The following TMCC1 variants were observed in gnomAD, a reference collection of about 807,000 sequenced individuals.
TMCC1 encodes transmembrane and coiled-coil domain family 1.
Under a neutral mutation model 52.4 loss-of-function variants are expected in TMCC1, and 15 were observed. That is an observed-to-expected ratio of 0.29 (90% CI 0.19 to 0.44). TMCC1 has a LOEUF of 0.44. Among genes scored for constraint, TMCC1 ranks in the 20% least tolerant of loss-of-function variants. The pLI, the probability that TMCC1 is intolerant of heterozygous loss-of-function variation, is 1.00. For missense variants in TMCC1, 503 were observed against 806.0 expected, an observed-to-expected ratio of 0.62 and a Z score of 4.55; for synonymous variants, 279 against 301.9, an observed-to-expected ratio of 0.92 and a Z score of 0.79.
intron 5 of TMCC1, among the ~76,000 whole-genome samples, chr3:129,664,584 A>G (rs1165148425): frequency 1.3e-5 from 2 of 152,194 alleles, no homozygotes; most frequent in Non-Finnish European, 2.9e-5. Context: ...ACAAGCTTTC[A>G]AAATGGCATT....
intron 2 of TMCC1, among the ~76,000 whole-genome samples, chr3:129,865,890 T>C (rs2060601241): frequency 6.6e-6 from 1 of 152,136 alleles, no homozygotes; most frequent in South Asian, 2.1e-4. Context: ...GAAGACACAC[T>C]AGGTTTCAGG....
chr3:129,891,976 G>C (rs143923532), intron 1 of TMCC1, among the ~76,000 whole-genome samples: 150 of 152,280 alleles, frequency 9.9e-4, no homozygotes, highest in African/African-American at 3.5e-3. Flanking sequence ...GTAGACTACA[G>C]GTCTTTTGTG....
At chr3:129,716,166 GT>G (rs869080560) in intron 4 of TMCC1, among the ~76,000 whole-genome samples, 6 of 1,312 alleles carry the variant, frequency 4.6e-3, no homozygotes, top group African/African-American at 0.015. Flanking sequence ...TTTTTTCTTT[GT>G]TTTTTTTTTT....
At chr3:129,882,339 G>A (rs1372450329) in intron 1 of TMCC1, among the ~76,000 whole-genome samples, 1 of 150,638 alleles carries the variant, frequency 6.6e-6, no homozygotes, top group Non-Finnish European at 1.5e-5. Flanking sequence ...GGATAGCTAT[G>A]ATTAAAAAAA....
At chr3:129,693,333 A>C (rs1031339538) in intron 4 of TMCC1, among the ~76,000 whole-genome samples, 14 of 152,096 alleles carry the variant, frequency 9.2e-5, no homozygotes, top group African/African-American at 3.1e-4. Flanking sequence ...GGAAAGAACA[A>C]AGGTTCTTTA....
At chr3:129,831,734 A>G (rs2811343) in intron 3 of TMCC1, among the ~76,000 whole-genome samples, 95,993 of 152,120 alleles carry the variant, frequency 0.63, 35,395 homozygotes, top group Non-Finnish European at 0.83. Context: ...TAAGAATGCA[A>G]GCACAAAAGA....
intron 2 of TMCC1, among the ~76,000 whole-genome samples, chr3:129,840,026 G>GA (rs34763615): frequency 0.97 from 142,409 of 147,408 alleles, 68,918 homozygotes; most frequent in South Asian, 1. Flanking sequence ...GACTGGGGGA[G>GA]AAAAAAAAAA....
At chr3:129,888,854 T>A (rs1266746341) in intron 1 of TMCC1, among the ~76,000 whole-genome samples, 1 of 152,188 alleles carries the variant, frequency 6.6e-6, no homozygotes, top group Non-Finnish European at 1.5e-5. Context: ...ACTGGTAGTA[T>A]ACATCCCTAA....
At chr3:129,708,543 C>T (rs1420196095) in intron 4 of TMCC1, among the ~76,000 whole-genome samples, 1 of 152,184 alleles carries the variant, frequency 6.6e-6, no homozygotes, top group Non-Finnish European at 1.5e-5. Context: ...AATGTGATGA[C>T]CTCTGCTTTT....
At chr3:129,693,433 T>A (rs1348238676) in intron 4 of TMCC1, among the ~76,000 whole-genome samples, 1 of 152,084 alleles carries the variant, frequency 6.6e-6, no homozygotes, top group Non-Finnish European at 1.5e-5. Flanking sequence ...TTCTTATCCA[T>A]GATACTATCT....
chr3:129,660,857 C>A (rs2086977524), intron 5 of TMCC1, among the ~76,000 whole-genome samples: 2 of 152,134 alleles, frequency 1.3e-5, no homozygotes, highest in Non-Finnish European at 2.9e-5. Flanking sequence ...TGGTGCACTG[C>A]AGCCTCAAAC....
intron 4 of TMCC1, chr3:129,688,529 C>T (rs766413119): frequency 2.1e-5 from 21 of 985,540 alleles, no homozygotes; most frequent in Non-Finnish European, 2.5e-5. Flanking sequence ...AGCCGCACCA[C>T]ATTAATACCC....
chr3:129,850,616 G>A (rs1955868153), intron 2 of TMCC1, among the ~76,000 whole-genome samples: 2 of 152,144 alleles, frequency 1.3e-5, no homozygotes, highest in Admixed American at 6.5e-5. Context: ...AGACCAGCTC[G>A]GTGGGGGAGA....
chr3:129,827,858 G>A lies in TMCC1; in HGVS notation c.521C>T (p.Ala174Val), dbSNP rs372011111. Residue 174 changes from alanine (A) to valine (V), a missense_variant, in exon 4 of 7, where the codon GCT (alanine) becomes GTT (valine). Transcript: ENST00000393238. ...TSSAMMEIAC[A>V]AAAAAAACLP... ...ACATGCAGCAGCAGCAGCAGCAGCA[G>A]CACAAGCTATTTCCATCATAGCAGA... 8.2e-4 allele frequency: 1,327 copies of A among 1,614,030 alleles called. 26 individuals are homozygous for A. In the South Asian group the frequency reaches 0.014, roughly 17 times the overall value.
intron 2 of TMCC1, among the ~76,000 whole-genome samples, chr3:129,866,351 CATAATAT>C (rs1188228520): frequency 1.7e-3 from 239 of 137,130 alleles, no homozygotes; most frequent in South Asian, 3.5e-3. Flanking sequence ...ATTATATATA[CATAATAT>C]ATATTTTATA....
At chr3:129,698,261 G>C (rs890662003) in intron 4 of TMCC1, among the ~76,000 whole-genome samples, 1 of 152,182 alleles carries the variant, frequency 6.6e-6, no homozygotes. Flanking sequence ...CGTCTTACTT[G>C]GCGGCAGGCA....
rs1384974496 is a variant in TMCC1 at position 129,648,287 on chromosome 3, C to T, written c.*3194G>A. 1 of 152,140 alleles carries T rather than the reference C, an allele frequency of 6.6e-6. No homozygotes were observed. The highest frequency in any genetic ancestry group is 1.5e-5 in the Non-Finnish European group (1 of 68,032). 9.4% of individuals were successfully genotyped at this position (152,140 alleles called of 1,614,324 possible). On this transcript the variant is annotated 3_prime_UTR_variant, in exon 7 of 7. Coordinates refer to ENST00000393238, the MANE Select transcript of TMCC1 (RefSeq NM_001017395.5). ...AGGAACATGAAATCAGAAACAAAAC[C>T]AAATGCAGTGAAGACCACATGAAAA... is the stretch of plus-strand genomic sequence containing the variant.
chr3:129,783,620 T>C (rs966880499), intron 4 of TMCC1, among the ~76,000 whole-genome samples: 30 of 152,090 alleles, frequency 2.0e-4, no homozygotes, highest in Non-Finnish European at 1.5e-5. Flanking sequence ...AGTTGCAAAA[T>C]GTGGTCTGGA....
intron 2 of TMCC1, among the ~76,000 whole-genome samples, chr3:129,877,021 T>G (rs949096314): frequency 6.6e-6 from 1 of 152,190 alleles, no homozygotes; most frequent in South Asian, 2.1e-4. Context: ...TTACTTTAAA[T>G]GAATAATTAA....
Sources: gnomAD v4.1 joint callset for allele counts (sites outside exome capture counted in the v4.1 genomes callset) on GRCh38, gnomAD v4.1.1 for gene constraint, MANE v1.5 for transcripts, NCBI Gene and HGNC (gene_info 2026-07-23, HGNC 2026-07-21) for gene names.